Variants in PRMT8 observed in about 807,000 individuals in gnomAD.
PRMT8 encodes protein arginine methyltransferase 8, also known as protein arginine N-methyltransferase 8.
A neutral mutation model predicts 47.1 loss-of-function variants in PRMT8; 7 were observed. That is an observed-to-expected ratio of 0.15 (90% CI 0.08 to 0.28). The LOEUF is 0.28. Ranked by LOEUF, PRMT8 falls within the 10% of genes least tolerant of loss-of-function variation. The pLI is 1.00. For synonymous variants in PRMT8, 188 were observed against 186.5 expected (o/e 1.01, Z -0.07); for missense variants, 237 against 505.4 (o/e 0.47, Z 5.09).
intron 1 of PRMT8, among the ~76,000 whole-genome samples, chr12:3,387,637 T>C (rs1187302749): frequency 6.6e-6 from 1 of 152,250 alleles, no homozygotes; most frequent in Non-Finnish European, 1.5e-5. Context: ...TATCGAATGC[T>C]TATTATGTGC....
In PRMT8 at chr12:3,493,251, G is replaced by T. The variant is rs1426779657; in HGVS notation, c.75+1551G>T. On this transcript the variant is annotated intron_variant, in intron 1 of 9. Coordinates refer to ENST00000382622, the MANE Select transcript of PRMT8 (RefSeq NM_019854.5). The surrounding 1 kb of genome is among the most constrained non-coding windows in gnomAD (Gnocchi z 8.2). The stretch of plus-strand genomic sequence containing the variant: ...GCCCCCACCTGAGAGCAGACATTCG[G>T]AATGATGTGTAGTGCGAGGCGGCTA... 1.3e-5 allele frequency among the ~76,000 whole-genome samples: 2 copies of T among 152,128 alleles called. No individual in the cohort carries two copies. Among genetic ancestry groups the T allele is most frequent in the East Asian group, 3.9e-4 (2 of 5,172 alleles).
chr12:3,546,840 C>T (rs537431319), intron 2 of PRMT8, among the ~76,000 whole-genome samples: 10 of 151,924 alleles, frequency 6.6e-5, no homozygotes, highest in South Asian at 2.1e-4. Context: ...CTTTGATTAC[C>T]GAAGAAAAGG....
intron 1 of PRMT8, among the ~76,000 whole-genome samples, chr12:3,509,246 C>T (rs1368377448): frequency 2.0e-5 from 3 of 152,150 alleles, no homozygotes; most frequent in African/African-American, 7.2e-5. Flanking sequence ...CTCTTCCATC[C>T]CCATTTCTTA....
intron 4 of PRMT8, among the ~76,000 whole-genome samples, chr12:3,560,089 AG>A (rs962508828): frequency 2.6e-5 from 4 of 152,070 alleles, no homozygotes; most frequent in African/African-American, 9.7e-5. Context: ...TTTTCCTCCC[AG>A]GGTTTGCAAC....
At chr12:3,405,979 A>G (rs1392376290) in intron 1 of PRMT8, among the ~76,000 whole-genome samples, 1 of 152,222 alleles carries the variant, frequency 6.6e-6, no homozygotes, top group Non-Finnish European at 1.5e-5. Flanking sequence ...GTACTGCCCT[A>G]GCAGAGGTTC....
chr12:3,577,118 T>C, intron 7 of PRMT8, 132 bp downstream of exon 7: 1 of 725,590 alleles, frequency 1.4e-6, no homozygotes, highest in Non-Finnish European at 2.4e-6. Flanking sequence ...GAGCCTGTGA[T>C]GCTCCCTAAG....
At chr12:3,440,149 G>A (rs535397037) in intron 1 of PRMT8, among the ~76,000 whole-genome samples, 42 of 152,282 alleles carry the variant, frequency 2.8e-4, no homozygotes, top group African/African-American at 9.9e-4. Context: ...GATAATTGAT[G>A]ATTATATTAT....
intron 1 of PRMT8, among the ~76,000 whole-genome samples, chr12:3,438,901 A>C (rs1864771591): frequency 6.6e-6 from 1 of 152,064 alleles, no homozygotes; most frequent in Non-Finnish European, 1.5e-5. Context: ...ATTTCTTTTT[A>C]TTTTTTCTTT....
intron 1 of PRMT8, among the ~76,000 whole-genome samples, chr12:3,448,979 C>T (rs1864888814): frequency 6.6e-6 from 1 of 152,152 alleles, no homozygotes; most frequent in Admixed American, 6.5e-5. Flanking sequence ...TAAGTGAGAA[C>T]ACGCGGTGTT....
chr12:3,480,088 C>T (rs1178899466), intron 1 of PRMT8, among the ~76,000 whole-genome samples: 3 of 152,182 alleles, frequency 2.0e-5, no homozygotes, highest in Non-Finnish European at 4.4e-5. Context: ...CCCTGATGGG[C>T]ATATTTCTTT....
intron 1 of PRMT8, among the ~76,000 whole-genome samples, chr12:3,533,072 G>C (rs1472954045): frequency 6.6e-6 from 1 of 152,204 alleles, no homozygotes; most frequent in African/African-American, 2.4e-5. Flanking sequence ...CCTATGTAGG[G>C]ATGGGCTCTG....
Position 3,552,883 on chromosome 12 carries a change from C to T in PRMT8, c.418-768C>T, listed in dbSNP as rs559180706. 984 of 416,730 alleles carry T rather than the reference C, an allele frequency of 2.4e-3. 1 individual carries two copies. The highest frequency in any genetic ancestry group is 3.5e-3 in the Non-Finnish European group (726 of 205,562). The allele number at this position is 416,730 out of a possible 1,614,324, so 25.8% of individuals were successfully genotyped here. A position where few individuals can be genotyped will look rare whatever the true frequency, so the allele number is the denominator to read the frequency against. ...CACAGGCCAGCCTCTGTAAGAGAGC[C>T]GGCTCCGGAGGTGAGGACGGCTCTT... is the stretch of plus-strand genomic sequence containing the variant. On this transcript the variant is annotated intron_variant, in intron 3 of 9. Coordinates refer to ENST00000382622, the MANE Select transcript of PRMT8 (RefSeq NM_019854.5). The surrounding 1 kb of genome is among the most constrained non-coding windows in gnomAD (Gnocchi z 4.5).
chr12:3,544,169 G>C (rs1018691825), intron 2 of PRMT8, among the ~76,000 whole-genome samples: 6 of 152,236 alleles, frequency 3.9e-5, no homozygotes, highest in Non-Finnish European at 5.9e-5. Flanking sequence ...GCTGGGAACT[G>C]TTTTCCACAG....
chr12:3,521,985 ACCACACC>A (rs1865886858), intron 1 of PRMT8, among the ~76,000 whole-genome samples: 1 of 152,218 alleles, frequency 6.6e-6, no homozygotes, highest in African/African-American at 2.4e-5. Context: ...AAATGGGATT[ACCACACC>A]CCTTGGCATC....
Position 3,514,462 on chromosome 12 carries a change from A to T in PRMT8, c.75+22762A>T, listed in dbSNP as rs1461249919. ...CACCCAGGCCTGCAGAGCCTCTCCA[A>T]ATCCATCCGTACTTCCACTGAAGAT... On this transcript the variant is annotated intron_variant, in intron 1 of 9. Coordinates refer to ENST00000382622, the MANE Select transcript of PRMT8 (RefSeq NM_019854.5). The surrounding 1 kb of genome is among the most constrained non-coding windows in gnomAD (Gnocchi z 5.9). Among the ~76,000 whole-genome samples, 1 of 152,148 alleles carries T rather than the reference A, an allele frequency of 6.6e-6. No individual in the cohort carries two copies. Among genetic ancestry groups the T allele is most frequent in the Non-Finnish European group, 1.5e-5 (1 of 68,024 alleles).
Position 3,557,578 on chromosome 12 carries a change from C to T in PRMT8, c.481+3864C>T, listed in dbSNP as rs529753936. 6.6e-6 allele frequency among the ~76,000 whole-genome samples: 1 copy of T among 152,288 alleles called. No individual in the cohort carries two copies. Among genetic ancestry groups the T allele is most frequent in the East Asian group, 1.9e-4 (1 of 5,182 alleles). The stretch of plus-strand genomic sequence containing the variant: ...GTGCCCTCCTCAGAGAAGTGCTTGA[C>T]CCGGGCTCCCTATCTGCTTACTAAA... On this transcript the variant is annotated intron_variant, in intron 4 of 9. Transcript: ENST00000382622. This position sits in a 1 kb window ranked among gnomAD's most constrained non-coding sequence, Gnocchi z 4.7.
chr12:3,578,601 G>T (rs867334189), intron 7 of PRMT8, among the ~76,000 whole-genome samples: 11 of 152,128 alleles, frequency 7.2e-5, no homozygotes, highest in Non-Finnish European at 8.8e-5. Flanking sequence ...GCTCCTGCAC[G>T]CATCATTCTT....
At chr12:3,451,654 C>T (rs935477086) in intron 1 of PRMT8, among the ~76,000 whole-genome samples, 1 of 152,190 alleles carries the variant, frequency 6.6e-6, no homozygotes, top group Non-Finnish European at 1.5e-5. Flanking sequence ...GTTAGACATC[C>T]TATAGAGTTG....
chr12:3,454,876 C>T (rs1187998065), intron 1 of PRMT8, among the ~76,000 whole-genome samples: 2 of 152,178 alleles, frequency 1.3e-5, no homozygotes, highest in Non-Finnish European at 2.9e-5. Flanking sequence ...TAAGTCTTCC[C>T]TTTGAGATAG....
Sources: allele counts gnomAD v4.1 joint callset (sites outside exome capture counted in the v4.1 genomes callset), GRCh38; gene constraint gnomAD v4.1.1; non-coding constraint Gnocchi (gnomAD v3.1); transcripts MANE v1.5; gene names NCBI Gene and HGNC (gene_info 2026-07-23, HGNC 2026-07-21).